The following RORA variants were observed in gnomAD, a reference collection of about 807,000 sequenced individuals.
The protein encoded by RORA is RAR related orphan receptor A.
Under a neutral mutation model 69.5 loss-of-function variants are expected in RORA, and 7 were observed. The ratio of observed to expected loss-of-function variants is 0.10; its 90% CI spans 0.06 to 0.19. The LOEUF (loss-of-function observed/expected upper bound fraction) is 0.19, where lower values mean the gene tolerates loss of function less well. Among genes scored for constraint, RORA ranks in the 10% least tolerant of loss-of-function variants. The pLI, the probability that RORA is intolerant of heterozygous loss-of-function variation, is 1.00. For missense variants in RORA, 457 were observed against 663.0 expected (o/e 0.69, Z 3.41); for synonymous variants, 261 against 240.8 (o/e 1.08, Z -0.78).
At chr15:61,100,107 ATTTTCTTTTT>A (rs1399837855) in intron 1 of RORA, among the ~76,000 whole-genome samples, 10 of 136,802 alleles carry the variant, frequency 7.3e-5, no homozygotes, top group African/African-American at 2.8e-4. Flanking sequence ...TGAATGGTCA[ATTTTCTTTTT>A]TTTTTTTTTT....
intron 1 of RORA, among the ~76,000 whole-genome samples, chr15:60,735,424 C>T (rs530716782): frequency 2.6e-5 from 4 of 152,258 alleles, no homozygotes; most frequent in Admixed American, 2.6e-4. Context: ...TCATTCTAAA[C>T]TGTACCTGGG....
chr15:61,122,312 G>A (rs758649594), intron 1 of RORA, among the ~76,000 whole-genome samples: 4 of 152,128 alleles, frequency 2.6e-5, no homozygotes, highest in African/African-American at 2.4e-5. Flanking sequence ...GAGAACTAAG[G>A]GAAGCATTTG....
chr15:60,866,851 T>TCTATCTATCTATCTATCTATCTAC (rs1236953620), intron 1 of RORA, among the ~76,000 whole-genome samples: 57 of 145,684 alleles, frequency 3.9e-4, no homozygotes, highest in East Asian at 2.1e-3. Flanking sequence ...TATCTATCTA[T>TCTATCTATCTATCTATCTATCTAC]CTACCTACCT....
chr15:60,896,107 G>A (rs917962660), intron 1 of RORA, among the ~76,000 whole-genome samples: 1 of 152,166 alleles, frequency 6.6e-6, no homozygotes, highest in African/African-American at 2.4e-5. Context: ...ACAGAGGTCT[G>A]TCTCTGTTCA....
At chr15:60,590,516 C>A (rs1012358203) in intron 2 of RORA, among the ~76,000 whole-genome samples, 1 of 152,110 alleles carries the variant, frequency 6.6e-6, no homozygotes, top group Admixed American at 6.6e-5. Context: ...CAGCCTCTCG[C>A]CTTTCCTCCA....
chr15:61,041,603 G>A (rs984574850), intron 1 of RORA, among the ~76,000 whole-genome samples: 3 of 152,068 alleles, frequency 2.0e-5, no homozygotes, highest in African/African-American at 7.2e-5. Flanking sequence ...TTGTCATCCA[G>A]GCTGGAGTGC....
intron 4 of RORA, among the ~76,000 whole-genome samples, chr15:60,514,260 G>T (rs765727484): frequency 6.6e-6 from 1 of 152,180 alleles, no homozygotes; most frequent in Admixed American, 6.5e-5. Flanking sequence ...TCCTGCAGGG[G>T]AAAATGCCTA....
chr15:60,993,920 A>C (rs1042310183), intron 1 of RORA, among the ~76,000 whole-genome samples: 1 of 152,204 alleles, frequency 6.6e-6, no homozygotes, highest in African/African-American at 2.4e-5. Flanking sequence ...ATTTACCTAG[A>C]TACATAATTT....
Position 60,492,397 on chromosome 15 carries a change from T to C in RORA, c.*5058A>G, listed in dbSNP as rs1300350868. On this transcript the variant is annotated 3_prime_UTR_variant, in exon 11 of 11. Transcript: ENST00000335670. The stretch of plus-strand genomic sequence containing the variant: ...TTTTGTCTTTAAACATTAGCTCTTG[T>C]AATGCATCAGATATAAACTACACAT... The C allele has an allele frequency of 1.3e-5, 2 of 152,324 alleles. No homozygotes were observed. The highest frequency in any genetic ancestry group is 3.9e-4 in the East Asian group (2 of 5,192). The allele number at this position is 152,324 out of a possible 1,614,324, so 9.4% of individuals were successfully genotyped here.
At chr15:61,036,506 G>C (rs1896465307) in intron 1 of RORA, among the ~76,000 whole-genome samples, 1 of 152,122 alleles carries the variant, frequency 6.6e-6, no homozygotes, top group Admixed American at 6.5e-5. Flanking sequence ...CACGCCTCTG[G>C]AACAGTCCCT....
intron 1 of RORA, among the ~76,000 whole-genome samples, chr15:60,936,302 G>T (rs1189006772): frequency 6.6e-6 from 1 of 152,192 alleles, no homozygotes; most frequent in African/African-American, 2.4e-5. Context: ...CTCTTAGATT[G>T]AACAAAGTAG....
chr15:60,856,103 T>C (rs1159501979), intron 1 of RORA, among the ~76,000 whole-genome samples: 1 of 152,144 alleles, frequency 6.6e-6, no homozygotes, highest in African/African-American at 2.4e-5. Context: ...GCCCTGCTGA[T>C]CCATCCTCAA....
At chr15:60,549,832 A>T (rs1040620332) in intron 2 of RORA, among the ~76,000 whole-genome samples, 1 of 152,254 alleles carries the variant, frequency 6.6e-6, no homozygotes, top group Non-Finnish European at 1.5e-5. Context: ...ATAGGACACC[A>T]GTGCTTTTTA....
At chr15:60,834,059 G>A (rs896705332) in intron 1 of RORA, among the ~76,000 whole-genome samples, 1 of 152,174 alleles carries the variant, frequency 6.6e-6, no homozygotes, top group Non-Finnish European at 1.5e-5. Context: ...CACAGTGCTG[G>A]GGATGTAGTG....
intron 1 of RORA, among the ~76,000 whole-genome samples, chr15:60,903,843 T>C (rs1044849756): frequency 6.6e-6 from 1 of 152,238 alleles, no homozygotes; most frequent in Non-Finnish European, 1.5e-5. Context: ...TCTAACATGT[T>C]AAAACTTCCA....
At chr15:60,707,383 A>ATTTAT (rs2140803234) in intron 1 of RORA, among the ~76,000 whole-genome samples, 1 of 99,642 alleles carries the variant, frequency 1.0e-5, no homozygotes, top group South Asian at 3.4e-4. Flanking sequence ...TATTTATTTG[A>ATTTAT]GATGGAGTCT....
chr15:60,887,980 C>T (rs2073770302), intron 1 of RORA, among the ~76,000 whole-genome samples: 1 of 152,166 alleles, frequency 6.6e-6, no homozygotes, highest in East Asian at 1.9e-4. Flanking sequence ...TAAAAATTAG[C>T]CCGACTTAGC....
At chr15:60,792,375 G>A (rs2072430226) in intron 1 of RORA, among the ~76,000 whole-genome samples, 2 of 152,138 alleles carry the variant, frequency 1.3e-5, no homozygotes, top group African/African-American at 4.8e-5. Context: ...GAGAGAGAAT[G>A]AAGCAGAAAA....
chr15:61,140,245 G>C (rs1434245978), intron 1 of RORA, among the ~76,000 whole-genome samples: 1 of 152,106 alleles, frequency 6.6e-6, no homozygotes, highest in Non-Finnish European at 1.5e-5. Flanking sequence ...GCCCAACACG[G>C]TACCTAAAAT....
Sources: gnomAD v4.1 joint callset for allele counts (sites outside exome capture counted in the v4.1 genomes callset) on GRCh38, gnomAD v4.1.1 for gene constraint, MANE v1.5 for transcripts, NCBI Gene and HGNC (gene_info 2026-07-23, HGNC 2026-07-21) for gene names.